The following HDAC9 variants were observed in gnomAD, a reference collection of about 807,000 sequenced individuals.
The protein encoded by HDAC9 is histone deacetylase 9.
Under a neutral mutation model 139.4 loss-of-function variants are expected in HDAC9, and 41 were observed. The ratio of observed to expected loss-of-function variants is 0.29; its 90% confidence interval spans 0.23 to 0.38. HDAC9 has a LOEUF of 0.38. HDAC9 is among the 10% of genes least tolerant of loss of function. The probability of loss-of-function intolerance (pLI) is 1.00; values close to 1 mark genes in which losing one functional copy is unlikely to be tolerated. For synonymous variants in HDAC9, 517 were observed against 476.2 expected, an observed-to-expected ratio of 1.09 and a Z score of -1.12; for missense variants, 1,147 against 1,297.0, an observed-to-expected ratio of 0.88 and a Z score of 1.78.
chr7:18,907,250 G>A (rs949375259), intron 22 of HDAC9, among the ~76,000 whole-genome samples: 1 of 152,054 alleles, frequency 6.6e-6, no homozygotes, highest in Admixed American at 6.6e-5. Flanking sequence ...AGAAGAGAAG[G>A]GAGAGTCTCA....
chr7:18,935,504 T>A (rs1181541850), intron 22 of HDAC9, among the ~76,000 whole-genome samples: 1 of 152,126 alleles, frequency 6.6e-6, no homozygotes, highest in East Asian at 1.9e-4. Context: ...AGTATTCAGT[T>A]TTTTTATCCA....
intron 23 of HDAC9, among the ~76,000 whole-genome samples, chr7:18,943,553 A>G (rs577000412): frequency 2.4e-4 from 37 of 152,256 alleles, no homozygotes; most frequent in Non-Finnish European, 4.1e-4. Flanking sequence ...GATATGGAAC[A>G]GAGGCATCTT....
intron 2 of HDAC9, among the ~76,000 whole-genome samples, chr7:18,189,515 C>G (rs1209974646): frequency 6.6e-6 from 1 of 152,034 alleles, no homozygotes; most frequent in Admixed American, 6.6e-5. Context: ...TCACGTGGGG[C>G]TTATTAGTAT....
intron 22 of HDAC9, among the ~76,000 whole-genome samples, chr7:18,887,588 A>AAT (rs1257024015): frequency 1.3e-5 from 2 of 152,176 alleles, no homozygotes; most frequent in Non-Finnish European, 2.9e-5. Flanking sequence ...CTCTACATAT[A>AAT]ATAACGTATA....
chr7:18,427,545 T>A (rs1223244421), intron 1 of HDAC9, among the ~76,000 whole-genome samples: 1 of 152,066 alleles, frequency 6.6e-6, no homozygotes, highest in Admixed American at 6.6e-5. Flanking sequence ...TTGAATCCTA[T>A]CTGCTCCACC....
chr7:18,238,603 C>G (rs1392094940), intron 2 of HDAC9, among the ~76,000 whole-genome samples: 1 of 152,046 alleles, frequency 6.6e-6, no homozygotes, highest in African/African-American at 2.4e-5. Flanking sequence ...GGCGTTAGTA[C>G]CACAATTTTT....
intron 2 of HDAC9, among the ~76,000 whole-genome samples, chr7:18,262,581 A>G (rs1299152234): frequency 6.6e-6 from 1 of 152,198 alleles, no homozygotes; most frequent in East Asian, 1.9e-4. Context: ...GGTAAATATA[A>G]AAGACAGTAT....
At chr7:18,781,352 T>C (rs1791234183) in intron 16 of HDAC9, among the ~76,000 whole-genome samples, 1 of 152,036 alleles carries the variant, frequency 6.6e-6, no homozygotes, top group Non-Finnish European at 1.5e-5. Flanking sequence ...TCATCAACTA[T>C]ATAACTTTGG....
chr7:18,235,301 T>A (rs957239780), intron 2 of HDAC9, among the ~76,000 whole-genome samples: 1 of 152,202 alleles, frequency 6.6e-6, no homozygotes, highest in Non-Finnish European at 1.5e-5. Flanking sequence ...ATTGGAAATA[T>A]ACCTCCGAGA....
intron 1 of HDAC9, among the ~76,000 whole-genome samples, chr7:18,149,822 G>A (rs1180628933): frequency 2.0e-5 from 3 of 152,066 alleles, no homozygotes; most frequent in Non-Finnish European, 4.4e-5. Flanking sequence ...CCAAAGTGCT[G>A]GGATTACAGG....
intron 25 of HDAC9, among the ~76,000 whole-genome samples, chr7:18,983,306 T>C (rs150330392): frequency 2.0e-4 from 30 of 152,336 alleles, no homozygotes; most frequent in African/African-American, 7.2e-4. Flanking sequence ...CTGAATAATA[T>C]TCCATTGCAT....
At chr7:18,694,193 G>C (rs771121887) in intron 12 of HDAC9, among the ~76,000 whole-genome samples, 19 of 152,134 alleles carry the variant, frequency 1.2e-4, no homozygotes, top group Non-Finnish European at 2.6e-4. Flanking sequence ...TGGAATAACT[G>C]AGGCTGAAAA....
At chr7:18,161,907 AATG>A (rs1244750735) in intron 1 of HDAC9, among the ~76,000 whole-genome samples, 3 of 152,222 alleles carry the variant, frequency 2.0e-5, no homozygotes, top group African/African-American at 7.2e-5. Flanking sequence ...TTTCTATAAT[AATG>A]ATAATAGCAA....
intron 2 of HDAC9, among the ~76,000 whole-genome samples, chr7:18,194,582 A>T (rs1480411653): frequency 1.3e-5 from 2 of 152,158 alleles, no homozygotes; most frequent in African/African-American, 2.4e-5. Context: ...GAGAGATGCT[A>T]ACCCCTTTTT....
intron 21 of HDAC9, among the ~76,000 whole-genome samples, chr7:18,862,780 A>G (rs1216119868): frequency 6.6e-6 from 1 of 152,232 alleles, no homozygotes; most frequent in African/African-American, 2.4e-5. Context: ...AAATAGGGCA[A>G]GATAAGAGGA....
chr7:18,457,546 A>G (rs1393936853), intron 1 of HDAC9, among the ~76,000 whole-genome samples: 1 of 152,150 alleles, frequency 6.6e-6, no homozygotes, highest in Non-Finnish European at 1.5e-5. Context: ...TTTCTTTCTG[A>G]TTAGTTGCTG....
rs189015879 is a variant in HDAC9 at position 18,304,294 on chromosome 7, A to C, written c.-42+13779A>C. Among the ~76,000 whole-genome samples the C allele has an allele frequency of 2.6e-4, 40 of 152,344 alleles. 1 individual carries two copies. The highest frequency in any genetic ancestry group is 2.1e-4 in the South Asian group (1 of 4,824). ...TGGATGGGAGCTTTGAGGAATGATG[A>C]GTGTAAATTACTTTCCCAAAGGTTT... On this transcript the variant is annotated intron_variant, in intron 1 of 3. Coordinates refer to the HDAC9 transcript ENST00000413509.
intron 2 of HDAC9, among the ~76,000 whole-genome samples, chr7:18,514,802 C>T (rs752350410): frequency 5.3e-5 from 8 of 151,968 alleles, no homozygotes; most frequent in Non-Finnish European, 1.0e-4. Context: ...AAATAATTAG[C>T]TGGCTGTTGT....
At chr7:18,409,184 T>C (rs1788311168) in intron 1 of HDAC9, among the ~76,000 whole-genome samples, 1 of 152,218 alleles carries the variant, frequency 6.6e-6, no homozygotes, top group African/African-American at 2.4e-5. Flanking sequence ...ACTGGAACTT[T>C]ACCTACTTGT....
Sources: allele counts gnomAD v4.1 joint callset (sites outside exome capture counted in the v4.1 genomes callset), GRCh38; gene constraint gnomAD v4.1.1; transcripts MANE v1.5; gene names NCBI Gene and HGNC (gene_info 2026-07-23, HGNC 2026-07-21).